Variants in MED12L observed in about 807,000 individuals in gnomAD.
The protein encoded by MED12L is mediator of RNA polymerase II transcription subunit 12-like protein.
A neutral mutation model predicts 281.3 loss-of-function variants in MED12L; 60 were observed. The ratio of observed to expected loss-of-function variants is 0.21; its 90% CI spans 0.17 to 0.26. MED12L has a LOEUF of 0.26. MED12L is among the 10% of genes least tolerant of loss of function. The pLI is 1.00. For missense variants in MED12L, 2,146 were observed against 2,680.9 expected (o/e 0.80, Z 4.41); for synonymous variants, 974 against 987.2 (o/e 0.99, Z 0.25).
intron 16 of MED12L, among the ~76,000 whole-genome samples, chr3:151,264,962 C>G (rs1046490821): frequency 6.6e-6 from 1 of 152,202 alleles, no homozygotes; most frequent in Admixed American, 6.5e-5. Flanking sequence ...AGATAACACA[C>G]CCATCTTCTC....
intron 22 of MED12L, 86 bp downstream of exon 22, chr3:151,365,292 C>G (rs1265088555): frequency 2.7e-6 from 3 of 1,098,568 alleles, no homozygotes; most frequent in African/African-American, 3.1e-5. Flanking sequence ...TAGTAAGTGT[C>G]TGGACTCACA....
At chr3:151,391,008 C>T (rs188107576) in intron 38 of MED12L, among the ~76,000 whole-genome samples, 36 of 152,252 alleles carry the variant, frequency 2.4e-4, no homozygotes, top group Admixed American at 9.8e-4. Flanking sequence ...TCATTTTGGT[C>T]ATCTGTAAAA....
chr3:151,139,180 T>C (rs749303155), intron 5 of MED12L, among the ~76,000 whole-genome samples: 2 of 152,206 alleles, frequency 1.3e-5, no homozygotes, highest in Admixed American at 1.3e-4. Flanking sequence ...ATACCCATCT[T>C]AGTTTGCTTT....
chr3:151,198,296 C>T, intron 16 of MED12L: 1 of 644,912 alleles, frequency 1.6e-6, no homozygotes, highest in East Asian at 2.8e-5. Context: ...GTAAACCTGT[C>T]CATATTTGCT....
At chr3:151,340,896 T>TG (rs1432438124) in intron 16 of MED12L, 6 of 152,234 alleles carry the variant, frequency 3.9e-5, no homozygotes, top group Admixed American at 1.3e-4. Context: ...TCCCAGGAAA[T>TG]GTGGGATGAG....
intron 35 of MED12L, chr3:151,384,635 G>A (rs1281976245): frequency 5.2e-6 from 1 of 190,568 alleles, no homozygotes; most frequent in Non-Finnish European, 1.1e-5. Flanking sequence ...AGAAAACAGT[G>A]CAAAAAAGAA....
At chr3:151,315,423 G>A (rs1380905989) in intron 16 of MED12L, among the ~76,000 whole-genome samples, 1 of 152,148 alleles carries the variant, frequency 6.6e-6, no homozygotes, top group Non-Finnish European at 1.5e-5. Flanking sequence ...CATTTTCTCA[G>A]TGTCTTCATG....
intron 2 of MED12L, among the ~76,000 whole-genome samples, chr3:151,108,597 A>G (rs1223231801): frequency 6.6e-6 from 1 of 152,204 alleles, no homozygotes. Flanking sequence ...GAGCTAACTC[A>G]GCCTTCTTGA....
chr3:151,102,265 T>G (rs1425998466), intron 2 of MED12L, among the ~76,000 whole-genome samples: 2 of 152,140 alleles, frequency 1.3e-5, no homozygotes, highest in Non-Finnish European at 2.9e-5. Context: ...ATCACCAGAT[T>G]TGCTTGGAAG....
At chr3:151,242,727 A>G (rs935894633) in intron 16 of MED12L, among the ~76,000 whole-genome samples, 2 of 152,248 alleles carry the variant, frequency 1.3e-5, no homozygotes, top group African/African-American at 4.8e-5. Context: ...CTCCAAAGGA[A>G]CGCAGTTCCT....
rs1720199703 is a variant in MED12L at position 151,436,308 on chromosome 3, T to G, written c.*3504T>G. ...TGCAGATTTAATATTTTCCATTGTC[T>G]CTGTTCTGAGTGCCATGCTTGTAAC... On this transcript the variant is annotated 3_prime_UTR_variant, in exon 45 of 45. Coordinates refer to ENST00000687756, the MANE Select transcript of MED12L (RefSeq NM_001393769.1). 1 of 167,592 alleles carries G rather than the reference T, an allele frequency of 6.0e-6. No individual in the cohort carries two copies. Among genetic ancestry groups the G allele is most frequent in the Non-Finnish European group, 1.3e-5 (1 of 77,038 alleles). 10.4% of individuals were successfully genotyped at this position (167,592 alleles called of 1,614,324 possible). A position where few individuals can be genotyped will look rare whatever the true frequency, so the allele number is the denominator to read the frequency against.
At position 151,433,040 on chromosome 3, in the gene MED12L, C is replaced by A. The variant is rs1719707558; in HGVS notation, c.*236C>A. ...AGTAGGTTTACAAATGTGAATCATG[C>A]AGGCAGGCCTACTCCCGGAAGAGTG... is the stretch of plus-strand genomic sequence containing the variant. On this transcript the variant is annotated 3_prime_UTR_variant, in exon 45 of 45. Coordinates refer to ENST00000687756, the MANE Select transcript of MED12L (RefSeq NM_001393769.1). 2 of 466,616 alleles carry A rather than the reference C, an allele frequency of 4.3e-6. No individual in the cohort carries two copies. Among genetic ancestry groups the A allele is most frequent in the Non-Finnish European group, 7.7e-6 (2 of 260,704 alleles). The allele number at this position is 466,616 out of a possible 1,614,324, so 28.9% of individuals were successfully genotyped here.
At chr3:151,338,021 A>G (rs371436740) in intron 16 of MED12L, 2 of 1,614,166 alleles carry the variant, frequency 1.2e-6, no homozygotes, top group African/African-American at 2.7e-5. Flanking sequence ...CATAGAACAG[A>G]GTATTTTCAG....
intron 16 of MED12L, among the ~76,000 whole-genome samples, chr3:151,347,255 C>T (rs16863330): frequency 0.024 from 3,713 of 152,250 alleles, 147 homozygotes; most frequent in African/African-American, 0.086. Context: ...CTTATCTTCA[C>T]CTCTGCCCTA....
chr3:151,335,197 T>G (rs924941920), intron 16 of MED12L, among the ~76,000 whole-genome samples: 1 of 152,208 alleles, frequency 6.6e-6, no homozygotes, highest in Non-Finnish European at 1.5e-5. Context: ...AGTCACCCTA[T>G]TGTGCTATGG....
intron 6 of MED12L, 105 bp downstream of exon 6, chr3:151,156,435 A>T (rs776855965): frequency 6.7e-5 from 72 of 1,080,238 alleles, no homozygotes; most frequent in Non-Finnish European, 9.2e-5. Context: ...ACATGAACCA[A>T]TACATTCAAA....
intron 16 of MED12L, chr3:151,213,456 A>C: frequency 6.2e-7 from 1 of 1,614,222 alleles, no homozygotes; most frequent in Non-Finnish European, 8.5e-7. Context: ...CCAAGCATAC[A>C]TTTGCAGCAG....
intron 43 of MED12L, among the ~76,000 whole-genome samples, chr3:151,418,010 G>A (rs1243173390): frequency 6.6e-6 from 1 of 152,034 alleles, no homozygotes; most frequent in African/African-American, 2.4e-5. Context: ...TGTTAGCTGA[G>A]TCTAGTGTCC....
intron 43 of MED12L, among the ~76,000 whole-genome samples, chr3:151,421,218 G>A (rs1718208705): frequency 6.6e-6 from 1 of 152,128 alleles, no homozygotes; most frequent in African/African-American, 2.4e-5. Context: ...CAGAATGGGT[G>A]ATCCTATCCA....
Sources: gnomAD v4.1 joint callset for allele counts (sites outside exome capture counted in the v4.1 genomes callset) on GRCh38, gnomAD v4.1.1 for gene constraint, MANE v1.5 for transcripts, NCBI Gene and HGNC (gene_info 2026-07-23, HGNC 2026-07-21) for gene names.